The following SAXO1 variants were observed in gnomAD, a reference collection of about 807,000 sequenced individuals.
The protein encoded by SAXO1 is stabilizer of axonemal microtubules 1.
A neutral mutation model predicts 17.5 loss-of-function variants in SAXO1; 21 were observed. That is an observed-to-expected ratio of 1.20 (90% CI 0.85 to 1.72). SAXO1 has a LOEUF of 1.72. Among genes scored for constraint, SAXO1 ranks in the 40% most tolerant of loss-of-function variants. The probability of loss-of-function intolerance (pLI) is 0.00; values close to 1 mark genes in which losing one functional copy is unlikely to be tolerated. For synonymous variants in SAXO1, 274 were observed against 216.5 expected, an observed-to-expected ratio of 1.27 and a Z score of -2.33; for missense variants, 843 against 596.0, an observed-to-expected ratio of 1.41 and a Z score of -4.32.
Position 18,961,293 on chromosome 9 carries a change from T to A in SAXO1, c.39-10356A>T, listed in dbSNP as rs201916411. On this transcript the variant is annotated intron_variant, in intron 1 of 3. Coordinates refer to ENST00000380534, the MANE Select transcript of SAXO1 (RefSeq NM_153707.4). ...TCAGGCCATCCTCCTGCTTCAACATTTCCAGTAGCTGGGACCACAGGCATG... is the reference window on the plus strand; with the variant it reads ...TCAGGCCATCCTCCTGCTTCAACATATCCAGTAGCTGGGACCACAGGCATG... 6.6e-5 allele frequency among the ~76,000 whole-genome samples: 10 copies of A among 152,188 alleles called. No homozygotes were observed. The East Asian group carries it at 1.4e-3, about 21-fold the overall frequency.
chr9:18,968,814 G>C (rs771842052), intron 1 of SAXO1, among the ~76,000 whole-genome samples: 1 of 152,054 alleles, frequency 6.6e-6, no homozygotes, highest in Non-Finnish European at 1.5e-5. Flanking sequence ...GGCTGGTGTC[G>C]AACTCCTGAC....
intron 1 of SAXO1, among the ~76,000 whole-genome samples, chr9:19,022,865 A>G (rs1489085477): frequency 6.6e-6 from 1 of 152,194 alleles, no homozygotes; most frequent in African/African-American, 2.4e-5. Flanking sequence ...GGTAAAGACA[A>G]TAAAACAGAA....
chr9:19,018,977 C>G (rs1044111784), intron 1 of SAXO1, among the ~76,000 whole-genome samples: 2 of 151,960 alleles, frequency 1.3e-5, no homozygotes, highest in African/African-American at 2.4e-5. Flanking sequence ...GGCTTGGTGG[C>G]GGGCACCTGT....
intron 1 of SAXO1, among the ~76,000 whole-genome samples, chr9:19,021,596 A>G (rs752949321): frequency 1.3e-5 from 2 of 152,194 alleles, no homozygotes; most frequent in South Asian, 2.1e-4. Flanking sequence ...TTGACAGTCT[A>G]GAGATATTCA....
chr9:19,035,770 A>G (rs1359377668), upstream of SAXO1, among the ~76,000 whole-genome samples: 1 of 152,170 alleles, frequency 6.6e-6, no homozygotes, highest in Non-Finnish European at 1.5e-5. Context: ...TGTTTTAGCA[A>G]AGAGACTGGT....
chr9:18,980,471 G>A (rs962140558), intron 1 of SAXO1, among the ~76,000 whole-genome samples: 1 of 149,014 alleles, frequency 6.7e-6, no homozygotes, highest in African/African-American at 2.5e-5. Flanking sequence ...TCCTTCCTAA[G>A]GAAGGCCTTG....
At chr9:19,040,067 T>C (rs533213318) in intron 1 of SAXO1, among the ~76,000 whole-genome samples, 26 of 152,324 alleles carry the variant, frequency 1.7e-4, no homozygotes, top group African/African-American at 6.3e-4. Flanking sequence ...CAACCTTATA[T>C]GTTCCAAGGC....
At chr9:19,012,102 C>T (rs1834767013) in intron 1 of SAXO1, among the ~76,000 whole-genome samples, 1 of 152,066 alleles carries the variant, frequency 6.6e-6, no homozygotes, top group Non-Finnish European at 1.5e-5. Flanking sequence ...CCTTGGCCTC[C>T]CAAAGTGCTG....
chr9:18,945,527 G>A (rs763777267), intron 2 of SAXO1, among the ~76,000 whole-genome samples: 1 of 152,152 alleles, frequency 6.6e-6, no homozygotes, highest in Non-Finnish European at 1.5e-5. Context: ...GGCAGCTTGG[G>A]GAGTCCATCC....
At chr9:18,956,310 A>G (rs887075230) in intron 1 of SAXO1, among the ~76,000 whole-genome samples, 1 of 152,134 alleles carries the variant, frequency 6.6e-6, no homozygotes, top group Non-Finnish European at 1.5e-5. Flanking sequence ...AAACAAATCC[A>G]TGACCATTTC....
chr9:18,963,270 A>G (rs1832566617), intron 1 of SAXO1, among the ~76,000 whole-genome samples: 1 of 152,130 alleles, frequency 6.6e-6, no homozygotes, highest in Non-Finnish European at 1.5e-5. Context: ...TAGTTTTAGG[A>G]TTGTCTTGGC....
intron 1 of SAXO1, among the ~76,000 whole-genome samples, chr9:19,002,098 T>C (rs1834298045): frequency 6.6e-6 from 1 of 152,058 alleles, no homozygotes; most frequent in African/African-American, 2.4e-5. Context: ...CAAACTACCA[T>C]CAGAGAATAC....
rs544508660 is a variant in SAXO1, at chr9:19,041,276, C to G, written c.-158+7933G>C. Among the ~76,000 whole-genome samples the G allele has an allele frequency of 1.9e-4, 28 of 150,854 alleles. 2 individuals are homozygous for G. The South Asian group carries it at 5.4e-3, about 29-fold the overall frequency. ...GCTCTACAATGAAAACTATAAAACACTGATGAAAGAAACAGAAGAGGACAC... is the reference window on the plus strand; with the variant it reads ...GCTCTACAATGAAAACTATAAAACAGTGATGAAAGAAACAGAAGAGGACAC... On this transcript the variant is annotated intron_variant, in intron 1 of 3. Transcript: ENST00000542071.
rs867752619 is a variant in SAXO1 at position 19,033,005 on chromosome 9, G to C, written c.-97C>G. 14 of 1,323,952 alleles carry C rather than the reference G, an allele frequency of 1.1e-5. No individual in the cohort carries two copies. Among genetic ancestry groups the C allele is most frequent in the South Asian group, 1.4e-5 (1 of 69,104 alleles). 82.0% of individuals were successfully genotyped at this position (1,323,952 alleles called of 1,614,324 possible). On this transcript the variant is annotated 5_prime_UTR_variant, in exon 1 of 4. Transcript: ENST00000380534. ...CCTGTCTTGGGGCACGCCCAGGCTCGAGGGTCTTGGCAGGTGTTCTGTTTA... is the reference window on the plus strand; with the variant it reads ...CCTGTCTTGGGGCACGCCCAGGCTCCAGGGTCTTGGCAGGTGTTCTGTTTA...
intron 1 of SAXO1, among the ~76,000 whole-genome samples, chr9:18,988,136 T>G (rs960573817): frequency 1.3e-5 from 2 of 152,192 alleles, no homozygotes; most frequent in African/African-American, 4.8e-5. Context: ...AAGCACAGAA[T>G]GAGCAGTCAC....
At chr9:19,028,122 G>A (rs1221309752) in intron 1 of SAXO1, 1 of 1,606,838 alleles carries the variant, frequency 6.2e-7, no homozygotes, top group Non-Finnish European at 8.5e-7. Context: ...CCAACCTACA[G>A]TACTACGCCT....
At chr9:19,018,358 T>C (rs752241260) in intron 1 of SAXO1, among the ~76,000 whole-genome samples, 3 of 152,120 alleles carry the variant, frequency 2.0e-5, no homozygotes, top group Non-Finnish European at 4.4e-5. Flanking sequence ...CATGTAAGTG[T>C]CAGAATTTCA....
At chr9:19,043,927 C>G (rs1403431002) in intron 1 of SAXO1, among the ~76,000 whole-genome samples, 1 of 151,936 alleles carries the variant, frequency 6.6e-6, no homozygotes, top group Non-Finnish European at 1.5e-5. Flanking sequence ...GGCGGATCAC[C>G]TGAGATCGGG....
chr9:18,990,200 T>C (rs1224749305), intron 1 of SAXO1, among the ~76,000 whole-genome samples: 1 of 149,922 alleles, frequency 6.7e-6, no homozygotes, highest in Non-Finnish European at 1.5e-5. Context: ...AACTACCAAA[T>C]AATCCACACC....
Sources: allele counts gnomAD v4.1 joint callset (sites outside exome capture counted in the v4.1 genomes callset), GRCh38; gene constraint gnomAD v4.1.1; transcripts MANE v1.5; gene names NCBI Gene and HGNC (gene_info 2026-07-23, HGNC 2026-07-21).